The following CNTN2 variants were observed in gnomAD, a reference collection of about 807,000 sequenced individuals.
CNTN2 encodes contactin-2.
A neutral mutation model predicts 117.5 loss-of-function variants in CNTN2; 53 were observed. That is an observed-to-expected ratio of 0.45 (90% confidence interval 0.36 to 0.57). The LOEUF (loss-of-function observed/expected upper bound fraction) is 0.57, where lower values mean the gene tolerates loss of function less well. Among genes scored for constraint, CNTN2 ranks in the 20% least tolerant of loss-of-function variants. The pLI is 0.00. For missense variants in CNTN2, 1,106 were observed against 1,404.3 expected (o/e 0.79, Z 3.39); for synonymous variants, 530 against 561.7 (o/e 0.94, Z 0.80).
At chr1:205,053,885 C>T (rs535971177) in intron 2 of CNTN2, among the ~76,000 whole-genome samples, 3 of 148,740 alleles carry the variant, frequency 2.0e-5, no homozygotes, top group Non-Finnish European at 4.5e-5. Flanking sequence ...ATGCGGCAGA[C>T]GAGGGAGCTG....
chr1:205,064,136 C>T (rs1183069254), intron 10 of CNTN2, among the ~76,000 whole-genome samples, 186 bp from the exon 11 acceptor site: 1 of 151,228 alleles, frequency 6.6e-6, no homozygotes, highest in Non-Finnish European at 1.5e-5. Context: ...AGGGGGGGCG[C>T]GTTGTCAATA....
chr1:205,074,177 G>T lies in CNTN2; in HGVS notation c.*412G>T, dbSNP rs1364435973. 2.2e-6 allele frequency: 1 copy of T among 454,170 alleles called. No individual in the cohort carries two copies. The highest frequency in any genetic ancestry group is 3.9e-6 in the Non-Finnish European group (1 of 257,878). The allele number at this position is 454,170 out of a possible 1,614,324, so 28.1% of individuals were successfully genotyped here. ...CGGCAGGAACACCAGACATGAACAG[G>T]TTGAAGAACTGGAGCGAAGTGCACA... is the stretch of plus-strand genomic sequence containing the variant. On this transcript the variant is annotated 3_prime_UTR_variant, in exon 23 of 23. Coordinates refer to ENST00000331830, the MANE Select transcript of CNTN2 (RefSeq NM_005076.5).
Position 205,061,138 on chromosome 1 carries a change from G to T in CNTN2, c.798-107G>T. 7.9e-7 allele frequency: 1 copy of T among 1,262,270 alleles called. No individual in the cohort carries two copies. 78.2% of individuals were successfully genotyped at this position (1,262,270 alleles called of 1,614,324 possible). Reference sequence around the variant, plus strand: ...ACCCTCTCTCCCTCTGTTCCTCCCAGGCCCAGCATCTCAGGAGGGCCTGAG... The same window carrying T: ...ACCCTCTCTCCCTCTGTTCCTCCCATGCCCAGCATCTCAGGAGGGCCTGAG... On this transcript the variant is annotated intron_variant, in intron 7 of 22. Coordinates refer to ENST00000331830, the MANE Select transcript of CNTN2 (RefSeq NM_005076.5). The surrounding 1 kb of genome is among the most constrained non-coding windows in gnomAD (Gnocchi z 4.8).
intron 9 of CNTN2, 97 bp downstream of exon 9, chr1:205,062,098 CCTCT>C: frequency 2.7e-6 from 4 of 1,469,014 alleles, no homozygotes; most frequent in Non-Finnish European, 3.7e-6. Flanking sequence ...ACTAGTAGCC[CCTCT>C]GGGCTAATTA....
At chr1:205,044,097 C>T (rs374138331) in intron 1 of CNTN2, among the ~76,000 whole-genome samples, 13 of 152,290 alleles carry the variant, frequency 8.5e-5, no homozygotes, top group Admixed American at 2.0e-4. Flanking sequence ...ATCCCTCCCC[C>T]CCATCCTCAC....
intron 2 of CNTN2, among the ~76,000 whole-genome samples, chr1:205,056,741 C>A (rs1269794130): frequency 6.6e-6 from 1 of 152,172 alleles, no homozygotes; most frequent in Non-Finnish European, 1.5e-5. Context: ...AACGGACTGG[C>A]CCCACCAGTC....
At chr1:205,047,743 C>A (rs893685188) in intron 1 of CNTN2, among the ~76,000 whole-genome samples, 2 of 152,104 alleles carry the variant, frequency 1.3e-5, no homozygotes, top group Admixed American at 1.3e-4. Flanking sequence ...TAGAAGTAAG[C>A]CAGACAGGCA....
At chr1:205,066,995 C>A in intron 15 of CNTN2, 106 bp from the exon 16 acceptor site, 11 of 1,394,852 alleles carry the variant, frequency 7.9e-6, no homozygotes, top group Non-Finnish European at 1.1e-5. Context: ...ATGGCAAGTA[C>A]CGAAGTGAGG....
At chr1:205,054,658 G>C (rs765520725) in intron 2 of CNTN2, among the ~76,000 whole-genome samples, 1 of 152,220 alleles carries the variant, frequency 6.6e-6, no homozygotes, top group African/African-American at 2.4e-5. Flanking sequence ...CCAAGGGGCT[G>C]GGATCTGGTC....
chr1:205,070,082 C>G (rs1376493429), intron 18 of CNTN2, 21 bp downstream of exon 18: 12 of 1,607,268 alleles, frequency 7.5e-6, no homozygotes, highest in Non-Finnish European at 1.0e-5. Flanking sequence ...CCTGGGCCCC[C>G]TGCTCGTCCC....
chr1:205,072,980 G>A (rs1654670139), intron 21 of CNTN2, 88 bp from the exon 22 acceptor site: 1 of 1,424,982 alleles, frequency 7.0e-7, no homozygotes, highest in South Asian at 1.3e-5. Flanking sequence ...CAGAACCATC[G>A]GGTCTCCTCC....
chr1:205,067,213 T>C lies in CNTN2; in HGVS notation c.2088T>C (p.Pro696=), dbSNP rs1399436483. Residue 696 remains proline (P), a synonymous_variant, in exon 16 of 23, where the codon CCT becomes CCC. Coordinates refer to ENST00000331830, the MANE Select transcript of CNTN2 (RefSeq NM_005076.5). ...IASNILGTGE[P]SGPSSKIRTR... ...GCAACATTCTGGGCACTGGGGAGCC[T>C]AGTGGGCCCTCCAGCAAAATCCGGA... 6.2e-7 allele frequency: 1 copy of C among 1,613,938 alleles called. No individual in the cohort carries two copies. Among genetic ancestry groups the C allele is most frequent in the Non-Finnish European group, 8.5e-7 (1 of 1,179,940 alleles).
rs1031314280 is a variant in CNTN2 at position 205,074,055 on chromosome 1, T to C, written c.*290T>C. The C allele has an allele frequency of 3.5e-6, 2 of 573,772 alleles. No individual in the cohort carries two copies. Among genetic ancestry groups the C allele is most frequent in the Non-Finnish European group, 6.2e-6 (2 of 323,422 alleles). 35.5% of individuals were successfully genotyped at this position (573,772 alleles called of 1,614,324 possible). On this transcript the variant is annotated 3_prime_UTR_variant, in exon 23 of 23. Coordinates refer to ENST00000331830, the MANE Select transcript of CNTN2 (RefSeq NM_005076.5). ...TGCCTGGAGGGAAGGAACAGGCCCA[T>C]GGGAAGAAGGGGGTTTTAAAAACAT...
chr1:205,054,996 T>C (rs903647390), intron 2 of CNTN2, among the ~76,000 whole-genome samples: 8 of 151,874 alleles, frequency 5.3e-5, no homozygotes, highest in Non-Finnish European at 8.8e-5. Flanking sequence ...TGTTTTGTTG[T>C]TGTTGTTGTT....
At position 205,065,055 on chromosome 1, in the gene CNTN2, C is replaced by T. The variant is rs760066968; in HGVS notation, c.1520-32C>T. ...CCCGGCCTGGGCCCATTTCCTCCCC[C>T]ATCCACCCAAGGGCCTTGTTTTTCT... On this transcript the variant is annotated intron_variant, in intron 12 of 22. Coordinates refer to ENST00000331830, the MANE Select transcript of CNTN2 (RefSeq NM_005076.5). The surrounding 1 kb of genome is among the most constrained non-coding windows in gnomAD (Gnocchi z 4.1). 2.5e-5 allele frequency: 40 copies of T among 1,609,880 alleles called. No homozygotes were observed. The highest frequency in any genetic ancestry group is 1.7e-6 in the Non-Finnish European group (2 of 1,177,560).
intron 16 of CNTN2, 115 bp downstream of exon 16, chr1:205,067,365 TCA>T: frequency 1.5e-6 from 2 of 1,301,498 alleles, no homozygotes; most frequent in Non-Finnish European, 2.1e-6. Flanking sequence ...CTCACAGGGT[TCA>T]GACTCTCACA....
In CNTN2 at chr1:205,065,646, G is replaced by T; in HGVS notation, c.1696-143G>T. The T allele has an allele frequency of 9.9e-7, 1 of 1,012,134 alleles. No individual in the cohort carries two copies. The highest frequency in any genetic ancestry group is 1.5e-5 in the South Asian group (1 of 65,374). 62.7% of individuals were successfully genotyped at this position (1,012,134 alleles called of 1,614,324 possible). A position where few individuals can be genotyped will look rare whatever the true frequency, so the allele number is the denominator to read the frequency against. On this transcript the variant is annotated intron_variant, in intron 13 of 22. Coordinates refer to ENST00000331830, the MANE Select transcript of CNTN2 (RefSeq NM_005076.5). This position sits in a 1 kb window ranked among gnomAD's most constrained non-coding sequence, Gnocchi z 4.1. ...GATGAGTCGTGATTCCTCCCATTGA[G>T]CAGACAGGAAAACTGAGATCCAGTG...
In CNTN2 at chr1:205,073,689, G is replaced by A. The variant is rs554176359; in HGVS notation, c.3047G>A (p.Arg1016His). ...TSMMVENMAV[R>H]PAPHPGTVIS... ...ATGATGGTGGAGAACATGGCAGTCC[G>A]CCCAGCACCACACCCTGGCACCGTC... The change falls in exon 23 of 23, where the codon CGC (arginine) becomes CAC (histidine). Residue 1016 changes from arginine (R) to histidine (H), a missense_variant. Arg to His is a conservative substitution (Grantham distance 29). Transcript: ENST00000331830. This position sits in a 1 kb window ranked among gnomAD's most constrained non-coding sequence, Gnocchi z 6.3. 1.2e-5 allele frequency: 19 copies of A among 1,613,930 alleles called. No homozygotes were observed. Among genetic ancestry groups the A allele is most frequent in the African/African-American group, 6.7e-5 (5 of 75,026 alleles).
chr1:205,073,562 CCT>C lies in CNTN2; in HGVS notation c.3014-93_3014-92del. ...GTCCGCTCCCAGGCCTGCAGCTGGC[CCT>C]GTGAGTCTCCTTAGGAAAGGTCTCA... On this transcript the variant is annotated intron_variant, in intron 22 of 22. Transcript: ENST00000331830. This position sits in a 1 kb window ranked among gnomAD's most constrained non-coding sequence, Gnocchi z 6.3. 1 of 1,129,372 alleles carries C rather than the reference CCT, an allele frequency of 8.9e-7. No individual in the cohort carries two copies. The highest frequency in any genetic ancestry group is 1.3e-6 in the Non-Finnish European group (1 of 773,666). The allele number at this position is 1,129,372 out of a possible 1,614,324, so 70.0% of individuals were successfully genotyped here. A position where few individuals can be genotyped will look rare whatever the true frequency, so the allele number is the denominator to read the frequency against.
Sources: allele counts gnomAD v4.1 joint callset (sites outside exome capture counted in the v4.1 genomes callset), GRCh38; gene constraint gnomAD v4.1.1; non-coding constraint Gnocchi (gnomAD v3.1); transcripts MANE v1.5; gene names NCBI Gene and HGNC (gene_info 2026-07-23, HGNC 2026-07-21).